The following NPFFR2 variants were observed in gnomAD, a reference collection of about 807,000 sequenced individuals.
The protein encoded by NPFFR2 is neuropeptide FF receptor 2.
NPFFR2 carries 15 observed loss-of-function variants against 13.1 expected under a neutral mutation model. The observed-to-expected ratio is 1.15, with a 90% CI of 0.77 to 1.76. NPFFR2 has a LOEUF of 1.76. Among genes scored for constraint, NPFFR2 ranks in the 40% most tolerant of loss-of-function variants. NPFFR2 has a pLI of 0.00. For missense variants in NPFFR2, 572 were observed against 503.5 expected (o/e 1.14, Z -1.30); for synonymous variants, 190 against 175.7 (o/e 1.08, Z -0.65).
At chr4:72,107,896 A>C (rs1253976303) in intron 1 of NPFFR2, among the ~76,000 whole-genome samples, 1 of 152,044 alleles carries the variant, frequency 6.6e-6, no homozygotes, top group Non-Finnish European at 1.5e-5. Flanking sequence ...AAAGTTGTGA[A>C]AGTTATTTTT....
chr4:72,120,268 G>T (rs1450593540), intron 1 of NPFFR2, among the ~76,000 whole-genome samples: 1 of 152,208 alleles, frequency 6.6e-6, no homozygotes, highest in Non-Finnish European at 1.5e-5. Context: ...CCAAACAGGG[G>T]CTTATAGATA....
chr4:72,064,643 A>G (rs1007360233), intron 1 of NPFFR2, among the ~76,000 whole-genome samples: 3 of 152,212 alleles, frequency 2.0e-5, no homozygotes, highest in Non-Finnish European at 2.9e-5. Flanking sequence ...GCCTTTTAGA[A>G]GCAGTCCCCA....
At chr4:72,140,997 C>T (rs1248384588) in intron 3 of NPFFR2, among the ~76,000 whole-genome samples, 6 of 151,942 alleles carry the variant, frequency 3.9e-5, no homozygotes, top group East Asian at 1.9e-4. Flanking sequence ...GAAGGGTGTA[C>T]GTGTCCAGGA....
intron 1 of NPFFR2, among the ~76,000 whole-genome samples, chr4:72,122,006 C>A (rs1031074122): frequency 1.3e-5 from 2 of 151,858 alleles, no homozygotes; most frequent in Non-Finnish European, 2.9e-5. Context: ...TCAGGAGACC[C>A]ATCTCACTTG....
intron 1 of NPFFR2, among the ~76,000 whole-genome samples, chr4:72,047,868 G>A (rs771430789): frequency 6.6e-6 from 1 of 152,094 alleles, no homozygotes; most frequent in African/African-American, 2.4e-5. Flanking sequence ...ATTTAGGATA[G>A]ATGCAAACAT....
At chr4:72,032,230 C>T (rs899961360) in intron 1 of NPFFR2, 30 bp downstream of exon 1, 22 of 1,562,170 alleles carry the variant, frequency 1.4e-5, no homozygotes, top group Non-Finnish European at 1.7e-5. Context: ...TGTCTGGGGG[C>T]CCCCGCTTGG....
chr4:72,083,871 T>C (rs1242804678), intron 1 of NPFFR2, among the ~76,000 whole-genome samples: 3 of 152,136 alleles, frequency 2.0e-5, no homozygotes, highest in Non-Finnish European at 4.4e-5. Context: ...CTTTCCAACA[T>C]AGGTAAATGT....
chr4:72,100,816 T>G (rs1344123193), intron 1 of NPFFR2, among the ~76,000 whole-genome samples: 1 of 152,004 alleles, frequency 6.6e-6, no homozygotes, highest in African/African-American at 2.4e-5. Flanking sequence ...ATTAAAATGA[T>G]GTAGACTTCA....
chr4:72,053,101 TC>T (rs1393169757), intron 1 of NPFFR2, among the ~76,000 whole-genome samples: 6 of 151,862 alleles, frequency 4.0e-5, no homozygotes, highest in African/African-American at 1.5e-4. Flanking sequence ...TCTCAAGACT[TC>T]CTGGGGCTGT....
At chr4:72,065,924 A>T (rs1720057267) in intron 1 of NPFFR2, among the ~76,000 whole-genome samples, 1 of 152,088 alleles carries the variant, frequency 6.6e-6, no homozygotes, top group Non-Finnish European at 1.5e-5. Context: ...ATGAACTACT[A>T]CTCATGCAAG....
chr4:72,148,288 A>G lies in NPFFR2; in HGVS notation c.*476A>G, dbSNP rs1293719282. Among the ~76,000 whole-genome samples, 1 of 152,224 alleles carries G rather than the reference A, an allele frequency of 6.6e-6. No individual in the cohort carries two copies. Among genetic ancestry groups the G allele is most frequent in the Non-Finnish European group, 1.5e-5 (1 of 68,032 alleles). On this transcript the variant is annotated 3_prime_UTR_variant, in exon 4 of 4. Transcript: ENST00000308744. Reference sequence around the variant, plus strand: ...AACTGTACTTGGTTTTCTAAGAAATACATTCGATCACATGAAATTCTCTGC... The same window carrying G: ...AACTGTACTTGGTTTTCTAAGAAATGCATTCGATCACATGAAATTCTCTGC...
At chr4:72,036,496 GGTGT>G (rs778586674) in intron 1 of NPFFR2, among the ~76,000 whole-genome samples, 1 of 132,556 alleles carries the variant, frequency 7.5e-6, no homozygotes, top group African/African-American at 3.3e-5. Flanking sequence ...GGGTTCGGGT[GGTGT>G]GTGTGTGTGT....
At chr4:72,134,806 C>T (rs530710472) in intron 2 of NPFFR2, among the ~76,000 whole-genome samples, 6 of 152,204 alleles carry the variant, frequency 3.9e-5, no homozygotes, top group South Asian at 2.1e-4. Context: ...TATAGGAACA[C>T]GTTACTCCCA....
intron 1 of NPFFR2, among the ~76,000 whole-genome samples, chr4:72,040,506 C>T (rs28716967): frequency 0.35 from 52,782 of 151,924 alleles, 9,583 homozygotes; most frequent in East Asian, 0.68. Flanking sequence ...TCTATGGCAA[C>T]ACCAAATTGC....
intron 1 of NPFFR2, among the ~76,000 whole-genome samples, chr4:72,047,717 T>G (rs944259045): frequency 6.6e-6 from 1 of 152,112 alleles, no homozygotes; most frequent in Non-Finnish European, 1.5e-5. Flanking sequence ...AAATGAGTAA[T>G]GAATGAATAA....
At chr4:72,108,537 A>T (rs1237449373) in intron 1 of NPFFR2, among the ~76,000 whole-genome samples, 2 of 152,018 alleles carry the variant, frequency 1.3e-5, no homozygotes, top group Non-Finnish European at 2.9e-5. Flanking sequence ...CTATATTTTA[A>T]CAAAGAATTA....
chr4:72,104,556 ACCC>A (rs1191969677), intron 1 of NPFFR2, among the ~76,000 whole-genome samples: 23 of 152,034 alleles, frequency 1.5e-4, no homozygotes, highest in African/African-American at 5.1e-4. Flanking sequence ...AACCTCATAA[ACCC>A]CAAAGCATAT....
In NPFFR2 at chr4:72,113,744, G is replaced by A. The variant is rs570191920; in HGVS notation, c.-7-14841G>A. Among the ~76,000 whole-genome samples, 3 of 152,178 alleles carry A rather than the reference G, an allele frequency of 2.0e-5. No homozygotes were observed. In the East Asian group the frequency reaches 5.8e-4, roughly 30 times the overall value. On this transcript the variant is annotated intron_variant, in intron 1 of 3. Coordinates refer to ENST00000308744, the MANE Select transcript of NPFFR2 (RefSeq NM_004885.3). ...CAAGAGGCTCAGACAGCCCTGGGGG[G>A]TTGTCTGCGAGTAGACCAGTTCCCT...
At chr4:72,125,022 A>C (rs1350892051) in intron 1 of NPFFR2, among the ~76,000 whole-genome samples, 1 of 152,016 alleles carries the variant, frequency 6.6e-6, no homozygotes, top group Admixed American at 6.6e-5. Flanking sequence ...CAATCTATCC[A>C]TCTATCCATC....
Sources: allele counts gnomAD v4.1 joint callset (sites outside exome capture counted in the v4.1 genomes callset), GRCh38; gene constraint gnomAD v4.1.1; transcripts MANE v1.5; gene names NCBI Gene and HGNC (gene_info 2026-07-23, HGNC 2026-07-21).